The following ACRV1 variants were observed in gnomAD, a reference collection of about 807,000 sequenced individuals.
The protein encoded by ACRV1 is acrosomal protein SP-10.
A neutral mutation model predicts 29.2 loss-of-function variants in ACRV1; 17 were observed. That is an observed-to-expected ratio of 0.58 (90% CI 0.40 to 0.87). ACRV1 has a LOEUF of 0.87. Ranked by LOEUF, ACRV1 falls within the 40% of genes least tolerant of loss-of-function variation. The pLI is 0.00. For missense variants in ACRV1, 294 were observed against 316.0 expected (o/e 0.93, Z 0.53); for synonymous variants, 98 against 111.6 (o/e 0.88, Z 0.77).
chr11:125,674,953 C>T (rs1220646583), intron 3 of ACRV1, among the ~76,000 whole-genome samples: 1 of 152,200 alleles, frequency 6.6e-6, no homozygotes, highest in Non-Finnish European at 1.5e-5. Context: ...TTACATCCTG[C>T]ACTTTTCTGA....
At chr11:125,675,753 G>T (rs762060291) in intron 3 of ACRV1, among the ~76,000 whole-genome samples, 63 of 152,182 alleles carry the variant, frequency 4.1e-4, no homozygotes, top group Admixed American at 5.9e-4. Flanking sequence ...ATAGCTTACA[G>T]TCAATGTCCC....
At chr11:125,680,697 G>A (rs368139107) in intron 1 of ACRV1, 32 bp downstream of exon 1, 2 of 1,598,802 alleles carry the variant, frequency 1.3e-6, no homozygotes, top group Non-Finnish European at 1.7e-6. Context: ...GACCCCTTTT[G>A]TATTTACCTG....
At chr11:125,673,443 C>T (rs545489164) in intron 3 of ACRV1, among the ~76,000 whole-genome samples, 5 of 149,622 alleles carry the variant, frequency 3.3e-5, no homozygotes, top group East Asian at 3.9e-4. Flanking sequence ...CCTTGTGATC[C>T]GCCCACCTCA....
At chr11:125,677,459 G>A (rs997830698) in intron 2 of ACRV1, among the ~76,000 whole-genome samples, 3 of 152,174 alleles carry the variant, frequency 2.0e-5, no homozygotes, top group Non-Finnish European at 4.4e-5. Context: ...GCTAATGAAG[G>A]TTAGTCTTCA....
At chr11:125,679,228 T>TTTTTTTTTTTTTTTTTTTTTTG (rs1454887323) in intron 1 of ACRV1, among the ~76,000 whole-genome samples, 10 of 145,558 alleles carry the variant, frequency 6.9e-5, no homozygotes, top group African/African-American at 2.3e-4. Flanking sequence ...TTTTTTTTTT[T>TTTTTTTTTTTTTTTTTTTTTTG]TGTTTCAAAG....
chr11:125,672,450 T>C lies in ACRV1; in HGVS notation c.*143A>G. On this transcript the variant is annotated 3_prime_UTR_variant, in exon 4 of 4. Coordinates refer to ENST00000533904, the MANE Select transcript of ACRV1 (RefSeq NM_001612.6). ...AAAAGCATGAATAGAAGAAGAAAGA[T>C]AGGATGTTTGAGCATCCTAATGCTC... 2 of 896,080 alleles carry C rather than the reference T, an allele frequency of 2.2e-6. No homozygotes were observed. Among genetic ancestry groups the C allele is most frequent in the Admixed American group, 2.4e-5 (1 of 42,302 alleles). 55.5% of individuals were successfully genotyped at this position (896,080 alleles called of 1,614,324 possible). A position where few individuals can be genotyped will look rare whatever the true frequency, so the allele number is the denominator to read the frequency against.
At chr11:125,679,462 C>A (rs1481664258) in intron 1 of ACRV1, among the ~76,000 whole-genome samples, 2 of 152,268 alleles carry the variant, frequency 1.3e-5, no homozygotes, top group East Asian at 3.9e-4. Flanking sequence ...AAGTGATCCG[C>A]CCGCCTCAGC....
intron 2 of ACRV1, among the ~76,000 whole-genome samples, chr11:125,676,839 A>C (rs1314140758): frequency 3.3e-5 from 5 of 151,976 alleles, no homozygotes; most frequent in Non-Finnish European, 7.4e-5. Context: ...TCCCCATCAT[A>C]CTCTCACCCA....
At chr11:125,676,796 AATGT>A (rs1237521487) in intron 2 of ACRV1, among the ~76,000 whole-genome samples, 3 of 152,090 alleles carry the variant, frequency 2.0e-5, no homozygotes, top group African/African-American at 7.2e-5. Context: ...ATAGGAGCAA[AATGT>A]ATGTGTGATT....
intron 3 of ACRV1, 78 bp downstream of exon 3, chr11:125,676,281 T>TG: frequency 6.5e-7 from 1 of 1,541,484 alleles, no homozygotes; most frequent in Non-Finnish European, 8.9e-7. Flanking sequence ...CCTGGGCCCC[T>TG]GTCATTCCAA....
chr11:125,674,460 A>T (rs1482174603), intron 3 of ACRV1, among the ~76,000 whole-genome samples: 1 of 152,216 alleles, frequency 6.6e-6, no homozygotes, highest in African/African-American at 2.4e-5. Context: ...TGAAAACATG[A>T]AACTGTTCAG....
chr11:125,677,972 T>G lies in ACRV1; in HGVS notation c.378A>C (p.Gly126=), dbSNP rs748732273. ...GEQPSGEHLS[G]EQPLSELESG... ...ACTCAAGCTCACTCAAAGGCTGTTC[T>G]CCGGAGAGGTGTTCACCTGAAGGCT... The change falls in exon 2 of 4, where the codon GGA becomes GGC. Residue 126 remains glycine, a synonymous_variant. Transcript: ENST00000533904. 6.2e-7 allele frequency: 1 copy of G among 1,612,254 alleles called. No homozygotes were observed. Among genetic ancestry groups the G allele is most frequent in the East Asian group, 2.2e-5 (1 of 44,860 alleles).
In ACRV1 at chr11:125,680,781, C is replaced by G; in HGVS notation, c.-1G>C. 6.2e-7 allele frequency: 1 copy of G among 1,613,638 alleles called. No individual in the cohort carries two copies. The highest frequency in any genetic ancestry group is 8.5e-7 in the Non-Finnish European group (1 of 1,179,662). On this transcript the variant is annotated 5_prime_UTR_variant, in exon 1 of 4. Coordinates refer to ENST00000533904, the MANE Select transcript of ACRV1 (RefSeq NM_001612.6). ...TCATTAGCAAGAGAAACCTGTTCAT[C>G]TGGATTTAGGAAAAGAGGGGACCCC...
chr11:125,672,743 G>C (rs1942262682), intron 3 of ACRV1, 26 bp from the exon 4 acceptor site: 1 of 1,612,840 alleles, frequency 6.2e-7, no homozygotes, highest in African/African-American at 1.3e-5. Flanking sequence ...ACAGACTAGT[G>C]AGCAGAAAGC....
chr11:125,674,276 A>G (rs1942373220), intron 3 of ACRV1, among the ~76,000 whole-genome samples: 1 of 152,236 alleles, frequency 6.6e-6, no homozygotes, highest in Non-Finnish European at 1.5e-5. Context: ...AAACCATGTT[A>G]TATGCTATGC....
chr11:125,677,916 G>A lies in ACRV1; in HGVS notation c.434C>T (p.Ser145Leu). The A allele has an allele frequency of 6.2e-7, 1 of 1,614,044 alleles. No homozygotes were observed. The highest frequency in any genetic ancestry group is 8.5e-7 in the Non-Finnish European group (1 of 1,179,990). Residue 145 changes from serine to leucine, a missense_variant, in exon 2 of 4, where the codon TCA (serine) becomes TTA (leucine). Ser to Leu is a moderately radical substitution (Grantham distance 145). Transcript: ENST00000533904. ...SGEQPSDEQPSGEHGSGEQPS... is the reference protein window; with the variant it reads ...SGEQPSDEQPLGEHGSGEQPS... ...CTGTTCACCGGAGCCATGTTCACCT[G>A]AAGGCTGTTCATCTGAAGGCTGTTC...
chr11:125,673,429 C>G (rs1170974680), intron 3 of ACRV1, among the ~76,000 whole-genome samples: 3 of 151,806 alleles, frequency 2.0e-5, no homozygotes, highest in Non-Finnish European at 4.4e-5. Context: ...TCTCGATCTC[C>G]TGACCTTGTG....
intron 2 of ACRV1, among the ~76,000 whole-genome samples, chr11:125,676,924 G>T (rs1591438128): frequency 6.6e-6 from 1 of 150,564 alleles, no homozygotes; most frequent in East Asian, 1.9e-4. Context: ...TGCAAACCCT[G>T]TGAAGAGTGT....
intron 1 of ACRV1, 76 bp downstream of exon 1, chr11:125,680,653 C>T: frequency 2.9e-6 from 4 of 1,364,218 alleles, no homozygotes; most frequent in Admixed American, 3.9e-5. Context: ...AGAGACTGGT[C>T]TTCCTTCTTC....
Sources: allele counts gnomAD v4.1 joint callset (sites outside exome capture counted in the v4.1 genomes callset), GRCh38; gene constraint gnomAD v4.1.1; transcripts MANE v1.5; gene names NCBI Gene and HGNC (gene_info 2026-07-23, HGNC 2026-07-21).